Variants in MLLT3 observed in about 807,000 individuals in gnomAD.
MLLT3 encodes MLLT3 super elongation complex subunit.
MLLT3 carries 4 observed loss-of-function variants against 53.2 expected under a neutral mutation model. That is an observed-to-expected ratio of 0.08 (90% CI 0.04 to 0.17). MLLT3 has a LOEUF of 0.17. Ranked by LOEUF, MLLT3 falls within the 10% of genes least tolerant of loss-of-function variation. The pLI, the probability that MLLT3 is intolerant of heterozygous loss-of-function variation, is 1.00. For missense variants in MLLT3, 569 were observed against 684.0 expected (o/e 0.83, Z 1.87); for synonymous variants, 283 against 230.6 (o/e 1.23, Z -2.06).
chr9:20,408,588 T>C (rs886971136), intron 5 of MLLT3, among the ~76,000 whole-genome samples: 60 of 152,188 alleles, frequency 3.9e-4, no homozygotes, highest in African/African-American at 1.4e-3. Flanking sequence ...ACCTGCCCCC[T>C]GGAGAGCCAG....
intron 2 of MLLT3, among the ~76,000 whole-genome samples, chr9:20,553,223 G>A (rs1307193021): frequency 1.3e-5 from 2 of 152,068 alleles, no homozygotes; most frequent in African/African-American, 2.4e-5. Flanking sequence ...CTCATTTCTC[G>A]ACACTAAATG....
intron 2 of MLLT3, among the ~76,000 whole-genome samples, chr9:20,530,149 A>C (rs1818295157): frequency 6.6e-6 from 1 of 152,196 alleles, no homozygotes; most frequent in Non-Finnish European, 1.5e-5. Context: ...GCCATGTTTT[A>C]CTTTGATTAG....
At chr9:20,409,342 A>T (rs1822665326) in intron 5 of MLLT3, among the ~76,000 whole-genome samples, 1 of 152,162 alleles carries the variant, frequency 6.6e-6, no homozygotes, top group African/African-American at 2.4e-5. Flanking sequence ...AACTCTATAC[A>T]CTTCTCTTCA....
rs528299954 is a variant in MLLT3, at chr9:20,457,997, C to T, written c.194-1211G>A. On this transcript the variant is annotated intron_variant, in intron 2 of 10. Transcript: ENST00000380338. ...AGTTTACCTGTCCTTTTGTCACCTA[C>T]CAAAACCCCTCTGCTTCATTCCAAT... Among the ~76,000 whole-genome samples, 6 of 152,284 alleles carry T rather than the reference C, an allele frequency of 3.9e-5. No homozygotes were observed. In the South Asian group the frequency reaches 8.3e-4, roughly 21 times the overall value.
intron 4 of MLLT3, among the ~76,000 whole-genome samples, chr9:20,436,185 C>T (rs1373686076): frequency 6.6e-6 from 1 of 152,090 alleles, no homozygotes; most frequent in South Asian, 2.1e-4. Context: ...GTTGCATTAA[C>T]CATTTTTAGA....
chr9:20,512,177 A>C (rs1178394018), intron 2 of MLLT3, among the ~76,000 whole-genome samples: 1 of 152,196 alleles, frequency 6.6e-6, no homozygotes. Context: ...GAAAGGCTGC[A>C]ATGGTGCTGT....
At chr9:20,610,242 G>C (rs1176726354) in intron 2 of MLLT3, among the ~76,000 whole-genome samples, 1 of 152,042 alleles carries the variant, frequency 6.6e-6, no homozygotes, top group African/African-American at 2.4e-5. Context: ...CATGGATTAG[G>C]TAGTAAAAAA....
chr9:20,431,942 T>C (rs1672131815), intron 4 of MLLT3, among the ~76,000 whole-genome samples: 1 of 152,142 alleles, frequency 6.6e-6, no homozygotes, highest in African/African-American at 2.4e-5. Context: ...AACATACATT[T>C]ATGGTAAAAC....
chr9:20,511,234 A>C (rs958853792), intron 2 of MLLT3, among the ~76,000 whole-genome samples: 1 of 152,162 alleles, frequency 6.6e-6, no homozygotes, highest in African/African-American at 2.4e-5. Flanking sequence ...GAGTTATAAA[A>C]CTTAAACGTA....
At chr9:20,502,027 G>A (rs1472562646) in intron 2 of MLLT3, among the ~76,000 whole-genome samples, 2 of 125,776 alleles carry the variant, frequency 1.6e-5, no homozygotes, top group African/African-American at 5.9e-5. Context: ...GTTGCAGTAA[G>A]CCAATATGGT....
At chr9:20,599,108 A>G (rs1182465123) in intron 2 of MLLT3, among the ~76,000 whole-genome samples, 1 of 152,140 alleles carries the variant, frequency 6.6e-6, no homozygotes, top group Non-Finnish European at 1.5e-5. Context: ...GATCGAGACC[A>G]TGCTAGCCAA....
chr9:20,432,918 G>A (rs1230230134), intron 4 of MLLT3, among the ~76,000 whole-genome samples: 1 of 151,996 alleles, frequency 6.6e-6, no homozygotes, highest in Non-Finnish European at 1.5e-5. Context: ...CACATAATAA[G>A]TATGTGCCTT....
At chr9:20,611,248 G>A (rs1428475619) in intron 2 of MLLT3, among the ~76,000 whole-genome samples, 3 of 151,964 alleles carry the variant, frequency 2.0e-5, no homozygotes, top group Non-Finnish European at 1.5e-5. Flanking sequence ...AGGGAGGCAG[G>A]GGAAATGGGA....
At chr9:20,571,236 C>T (rs1350115687) in intron 2 of MLLT3, among the ~76,000 whole-genome samples, 1 of 152,204 alleles carries the variant, frequency 6.6e-6, no homozygotes, top group Non-Finnish European at 1.5e-5. Context: ...TTAACTGCAA[C>T]AAAAGCAAAA....
chr9:20,515,867 ACT>A (rs989326121), intron 2 of MLLT3, among the ~76,000 whole-genome samples: 1 of 151,922 alleles, frequency 6.6e-6, no homozygotes, highest in Admixed American at 6.6e-5. Context: ...CTGATGTAAG[ACT>A]CTGCGGCTGG....
At chr9:20,350,418 A>G (rs1298275172) in intron 10 of MLLT3, among the ~76,000 whole-genome samples, 5 of 151,646 alleles carry the variant, frequency 3.3e-5, no homozygotes, top group East Asian at 3.9e-4. Context: ...AAACGGTGAA[A>G]CCCCGTCTCT....
At chr9:20,593,766 G>C (rs534328982) in intron 2 of MLLT3, among the ~76,000 whole-genome samples, 1 of 152,234 alleles carries the variant, frequency 6.6e-6, no homozygotes, top group East Asian at 1.9e-4. Context: ...GGCACGTACT[G>C]GAATCAGCCA....
At position 20,343,253 on chromosome 9, in the gene MLLT3, C is replaced by T. The variant is rs1820785470; in HGVS notation, c.*3190G>A. Reference sequence around the variant, plus strand: ...TTTTAGTGGAAGAAAACCAATATTACTGGCTCTTTCCACCAAAAGGTGAAT... The same window carrying T: ...TTTTAGTGGAAGAAAACCAATATTATTGGCTCTTTCCACCAAAAGGTGAAT... On this transcript the variant is annotated 3_prime_UTR_variant, in exon 11 of 11. Transcript: ENST00000380338. 1 of 136,810 alleles carries T rather than the reference C, an allele frequency of 7.3e-6. No individual in the cohort carries two copies. Among genetic ancestry groups the T allele is most frequent in the South Asian group, 2.8e-4 (1 of 3,568 alleles). The allele number at this position is 136,810 out of a possible 1,614,324, so 8.5% of individuals were successfully genotyped here. A position where few individuals can be genotyped will look rare whatever the true frequency, so the allele number is the denominator to read the frequency against.
chr9:20,515,774 G>GGCAGCA (rs1049371610), intron 2 of MLLT3, among the ~76,000 whole-genome samples: 2 of 152,152 alleles, frequency 1.3e-5, no homozygotes, highest in African/African-American at 4.8e-5. Flanking sequence ...AGTCATAACA[G>GGCAGCA]GCAGCAGCCT....
Sources: allele counts gnomAD v4.1 joint callset (sites outside exome capture counted in the v4.1 genomes callset), GRCh38; gene constraint gnomAD v4.1.1; transcripts MANE v1.5; gene names NCBI Gene and HGNC (gene_info 2026-07-23, HGNC 2026-07-21).